Variants in STK3 observed in about 807,000 individuals in gnomAD.
The protein encoded by STK3 is serine/threonine-protein kinase 3.
Under a neutral mutation model 58.0 loss-of-function variants are expected in STK3, and 41 were observed. The ratio of observed to expected loss-of-function variants is 0.71; its 90% CI spans 0.55 to 0.92. STK3 has a LOEUF of 0.92. Among genes scored for constraint, STK3 ranks in the 40% least tolerant of loss-of-function variants. The pLI, the probability that STK3 is intolerant of heterozygous loss-of-function variation, is 0.00. For synonymous variants in STK3, 170 were observed against 191.0 expected (o/e 0.89, Z 0.91); for missense variants, 479 against 602.7 (o/e 0.79, Z 2.15).
intron 3 of STK3, among the ~76,000 whole-genome samples, chr8:98,848,264 T>G (rs577574095): frequency 1.7e-4 from 25 of 151,486 alleles, no homozygotes; most frequent in African/African-American, 6.1e-4. Flanking sequence ...TTTTTTTTTT[T>G]GAGACAGAGT....
chr8:98,584,098 T>C (rs1254863084), intron 7 of STK3, among the ~76,000 whole-genome samples: 1 of 152,042 alleles, frequency 6.6e-6, no homozygotes, highest in African/African-American at 2.4e-5. Flanking sequence ...TTAAAGTTTT[T>C]TTTTCTTTTA....
intron 6 of STK3, among the ~76,000 whole-genome samples, chr8:98,673,357 T>C (rs1397225367): frequency 6.6e-6 from 1 of 152,208 alleles, no homozygotes. Context: ...GCTGTAGATA[T>C]AGTACTAACA....
chr8:98,567,912 C>T (rs1812623155), intron 8 of STK3, among the ~76,000 whole-genome samples: 2 of 151,888 alleles, frequency 1.3e-5, no homozygotes, highest in African/African-American at 2.4e-5. Context: ...ACAAAAATTA[C>T]CCAGGCATGG....
the STK3 span, among the ~76,000 whole-genome samples, chr8:98,346,141 C>T: frequency 6.6e-6 from 1 of 151,776 alleles, no homozygotes; most frequent in Non-Finnish European, 1.5e-5. Context: ...AAAAATTAGC[C>T]AGGCATGATC....
upstream of STK3, among the ~76,000 whole-genome samples, chr8:98,826,102 G>A (rs1835288802): frequency 6.6e-6 from 1 of 152,140 alleles, no homozygotes; most frequent in African/African-American, 2.4e-5. Flanking sequence ...CTCTAGGCTG[G>A]GGAAGGGCAA....
chr8:98,499,758 T>C (rs1823425878), intron 10 of STK3, among the ~76,000 whole-genome samples: 1 of 152,228 alleles, frequency 6.6e-6, no homozygotes, highest in South Asian at 2.1e-4. Context: ...GCAGAAAGCT[T>C]AGCTGATGTG....
chr8:98,563,479 A>G (rs557994949), intron 8 of STK3, among the ~76,000 whole-genome samples: 2 of 152,308 alleles, frequency 1.3e-5, no homozygotes, highest in Admixed American at 6.5e-5. Flanking sequence ...ATACACACAT[A>G]TATCTCCTTG....
chr8:98,439,269 C>A (rs1818606420), intron 1 of STK3: 1 of 152,186 alleles, frequency 6.6e-6, no homozygotes, highest in South Asian at 2.1e-4. Flanking sequence ...GTCAGAAGGG[C>A]CTTGTCATTG....
At chr8:98,711,838 T>C (rs1422343475) in intron 4 of STK3, among the ~76,000 whole-genome samples, 1 of 152,102 alleles carries the variant, frequency 6.6e-6, no homozygotes, top group Non-Finnish European at 1.5e-5. Flanking sequence ...ATTGTCAGAT[T>C]CACCAAAGTT....
intron 3 of STK3, among the ~76,000 whole-genome samples, chr8:98,423,502 G>A (rs1365136312): frequency 6.6e-6 from 1 of 152,214 alleles, no homozygotes; most frequent in Non-Finnish European, 1.5e-5. Flanking sequence ...TTAGGAGATG[G>A]TTTTCATTCT....
intron 6 of STK3, chr8:98,596,467 T>G (rs988176890): frequency 1.5e-5 from 3 of 201,810 alleles, no homozygotes; most frequent in African/African-American, 2.3e-5. Flanking sequence ...CACTAAGGAC[T>G]TTCCCTAAAC....
rs562893908 is a variant in STK3, at chr8:98,896,165, G to T, written c.-78-12331C>A. Among the ~76,000 whole-genome samples the T allele has an allele frequency of 2.0e-5, 3 of 152,076 alleles. No homozygotes were observed. The South Asian group carries it at 6.2e-4, about 32-fold the overall frequency. On this transcript the variant is annotated intron_variant, in intron 1 of 1. Transcript: ENST00000519420. Reference sequence around the variant, plus strand: ...CTAAAACAGAGCTTTGTCTCCTTACGCTTGAAAATTGCAACAGTACCCTAA... The same window carrying T: ...CTAAAACAGAGCTTTGTCTCCTTACTCTTGAAAATTGCAACAGTACCCTAA...
chr8:98,567,488 G>A (rs1395898430), intron 8 of STK3, among the ~76,000 whole-genome samples: 5 of 152,102 alleles, frequency 3.3e-5, no homozygotes, highest in African/African-American at 7.2e-5. Context: ...ATGAGCCACC[G>A]TGCCTGGACC....
chr8:98,434,736 G>A (rs936245128), intron 2 of STK3, among the ~76,000 whole-genome samples: 42 of 152,190 alleles, frequency 2.8e-4, no homozygotes, highest in Non-Finnish European at 7.3e-5. Context: ...AAGAAGGCTG[G>A]CATGCCTTGG....
At chr8:98,695,239 G>C (rs1334051278) in intron 6 of STK3, among the ~76,000 whole-genome samples, 1 of 152,146 alleles carries the variant, frequency 6.6e-6, no homozygotes, top group East Asian at 1.9e-4. Flanking sequence ...GTAGATTCTG[G>C]ATATTAGCCC....
At chr8:98,540,090 A>G (rs1368085018) in intron 9 of STK3, among the ~76,000 whole-genome samples, 1 of 152,154 alleles carries the variant, frequency 6.6e-6, no homozygotes, top group African/African-American at 2.4e-5. Flanking sequence ...GTCTCCACCT[A>G]CATCGCCATC....
chr8:98,377,819 C>T (rs530375344), intron 2 of STK3, among the ~76,000 whole-genome samples: 1 of 152,270 alleles, frequency 6.6e-6, no homozygotes, highest in African/African-American at 2.4e-5. Context: ...CAGCCTCAGC[C>T]ACTCCCCTGT....
At chr8:98,918,682 C>T (rs1414019496) in intron 1 of STK3, among the ~76,000 whole-genome samples, 1 of 151,968 alleles carries the variant, frequency 6.6e-6, no homozygotes, top group Admixed American at 6.6e-5. Context: ...GCAAGAGGAT[C>T]GTTTGAGCCT....
Position 98,413,382 on chromosome 8 carries a change from T to C in STK3, n.484-11869A>G, listed in dbSNP as rs1818077197. 3.7e-6 allele frequency: 2 copies of C among 539,280 alleles called. 1 individual carries two copies. The highest frequency in any genetic ancestry group is 2.8e-5 in the South Asian group (2 of 71,456). The allele number at this position is 539,280 out of a possible 1,614,324, so 33.4% of individuals were successfully genotyped here. On this transcript the variant is annotated intron_variant and non_coding_transcript_variant, in intron 3 of 3. Transcript: ENST00000517832. ...CTATTTTGAGATTTCTGGCATATCT[T>C]GGATCCTTGGCTACAGTTAAGCTAT...
Sources: allele counts gnomAD v4.1 joint callset (sites outside exome capture counted in the v4.1 genomes callset), GRCh38; gene constraint gnomAD v4.1.1; transcripts MANE v1.5; gene names NCBI Gene and HGNC (gene_info 2026-07-23, HGNC 2026-07-21).